Variants in PALM2AKAP2 observed in about 807,000 individuals in gnomAD.
The protein encoded by PALM2AKAP2 is PALM2 and AKAP2 fusion.
Under a neutral mutation model 71.5 loss-of-function variants are expected in PALM2AKAP2, and 37 were observed. The ratio of observed to expected loss-of-function variants is 0.52; its 90% CI spans 0.40 to 0.68. The LOEUF is 0.68. PALM2AKAP2 is among the 30% of genes least tolerant of loss of function. The pLI is 0.00. For missense variants in PALM2AKAP2, 1,224 were observed against 1,191.8 expected (o/e 1.03, Z -0.40); for synonymous variants, 468 against 478.8 (o/e 0.98, Z 0.29).
chr9:110,053,446 T>C (rs910622333), intron 1 of PALM2AKAP2, among the ~76,000 whole-genome samples: 2 of 144,726 alleles, frequency 1.4e-5, no homozygotes, highest in African/African-American at 5.2e-5. Flanking sequence ...GAGAATTGAT[T>C]GAGCCTGGGA....
intron 1 of PALM2AKAP2, among the ~76,000 whole-genome samples, chr9:109,829,724 T>C (rs1828247473): frequency 6.6e-6 from 1 of 151,962 alleles, no homozygotes. Context: ...TATGCAGTTC[T>C]CATTGTCTTC....
At position 109,718,393 on chromosome 9, in the gene PALM2AKAP2, A is replaced by G. The variant is rs1237696248; in HGVS notation, c.6-62095A>G. ...CAGTTACCTTCTTTTTCAATATTTA[A>G]GTTAGGTATTACACAAAAATGTTTG... On this transcript the variant is annotated intron_variant, in intron 1 of 6. Coordinates refer to the PALM2AKAP2 transcript ENST00000374531. 2.6e-5 allele frequency among the ~76,000 whole-genome samples: 4 copies of G among 152,030 alleles called. No individual in the cohort carries two copies. In the East Asian group the frequency reaches 7.7e-4, roughly 29 times the overall value.
chr9:109,979,036 C>T (rs553001252), intron 6 of PALM2AKAP2, among the ~76,000 whole-genome samples: 1 of 151,830 alleles, frequency 6.6e-6, no homozygotes, highest in East Asian at 1.9e-4. Context: ...GTCACCTGGG[C>T]TGGAGTGCAG....
intron 1 of PALM2AKAP2, among the ~76,000 whole-genome samples, chr9:109,830,638 G>C (rs2131534757): frequency 6.6e-6 from 1 of 152,296 alleles, no homozygotes; most frequent in African/African-American, 2.4e-5. Flanking sequence ...GAAAAGTCCT[G>C]GCCAATATTT....
chr9:109,748,375 A>G (rs1286017145), intron 1 of PALM2AKAP2, among the ~76,000 whole-genome samples: 1 of 152,154 alleles, frequency 6.6e-6, no homozygotes, highest in Non-Finnish European at 1.5e-5. Context: ...ATGACGCACT[A>G]CAGGGGTTCC....
rs1410156708 is a variant in PALM2AKAP2 at position 109,772,836 on chromosome 9, G to T, written c.6-7652G>T. Among the ~76,000 whole-genome samples, 3 of 152,148 alleles carry T rather than the reference G, an allele frequency of 2.0e-5. No individual in the cohort carries two copies. The East Asian group carries it at 5.8e-4, about 29-fold the overall frequency. The stretch of plus-strand genomic sequence containing the variant: ...AGTGGCTATAGAATGTTGCAAGGTC[G>T]GGCCGGGTGTAGTGGTTCATGCCTG... On this transcript the variant is annotated intron_variant, in intron 1 of 6. Transcript: ENST00000374531.
chr9:110,156,079 G>A (rs1385801962), intron 2 of PALM2AKAP2, among the ~76,000 whole-genome samples: 6 of 152,182 alleles, frequency 3.9e-5, no homozygotes, highest in Non-Finnish European at 7.3e-5. Context: ...AATGCGTGCT[G>A]TGCCTGTTTG....
intron 2 of PALM2AKAP2, among the ~76,000 whole-genome samples, chr9:109,872,709 G>C (rs1356663418): frequency 6.6e-6 from 1 of 152,172 alleles, no homozygotes. Flanking sequence ...AACCCACTAA[G>C]GTCATTTGCT....
At chr9:109,713,214 C>G (rs1321010851) in intron 1 of PALM2AKAP2, among the ~76,000 whole-genome samples, 2 of 152,164 alleles carry the variant, frequency 1.3e-5, no homozygotes, top group East Asian at 3.9e-4. Flanking sequence ...CTTCCTTCTT[C>G]TTGGGAGCTC....
At chr9:109,722,197 A>T (rs981719370) in intron 1 of PALM2AKAP2, among the ~76,000 whole-genome samples, 1 of 152,218 alleles carries the variant, frequency 6.6e-6, no homozygotes, top group African/African-American at 2.4e-5. Context: ...GCAGCTGTTA[A>T]AAAGGAAATT....
intron 3 of PALM2AKAP2, among the ~76,000 whole-genome samples, chr9:109,894,463 G>C (rs929733513): frequency 1.3e-5 from 2 of 152,202 alleles, no homozygotes; most frequent in Non-Finnish European, 2.9e-5. Context: ...GTATGGTCCA[G>C]GGACTGCTTC....
intron 6 of PALM2AKAP2, among the ~76,000 whole-genome samples, chr9:109,938,759 T>G (rs2132027872): frequency 6.6e-6 from 1 of 152,308 alleles, no homozygotes; most frequent in East Asian, 1.9e-4. Context: ...CCGGGTGCGG[T>G]AGCTCACGCC....
chr9:110,141,414 T>C lies in PALM2AKAP2; in HGVS notation c.2569+2875T>C, dbSNP rs542704678. 3.9e-5 allele frequency among the ~76,000 whole-genome samples: 6 copies of C among 152,348 alleles called. 1 individual carries two copies. In the South Asian group the frequency reaches 1.2e-3, roughly 32 times the overall value. ...CATACATGTCATTCCTTCATGTTTATCTCTAGAACATTTAAAGCAGGCACC... is the reference window on the plus strand; with the variant it reads ...CATACATGTCATTCCTTCATGTTTACCTCTAGAACATTTAAAGCAGGCACC... On this transcript the variant is annotated intron_variant, in intron 2 of 3. Coordinates refer to ENST00000374525, the Ensembl canonical transcript of PALM2AKAP2.
intron 1 of PALM2AKAP2, among the ~76,000 whole-genome samples, chr9:110,079,879 G>C (rs1000889467): frequency 4.6e-5 from 7 of 151,992 alleles, no homozygotes; most frequent in Non-Finnish European, 1.0e-4. Flanking sequence ...AGACCAGCCT[G>C]GCCAAGCTGG....
intron 1 of PALM2AKAP2, among the ~76,000 whole-genome samples, chr9:109,719,276 C>T (rs1269948860): frequency 6.6e-6 from 1 of 152,148 alleles, no homozygotes; most frequent in Non-Finnish European, 1.5e-5. Flanking sequence ...TGAAAGAGGG[C>T]TCTAGTGAGT....
intron 1 of PALM2AKAP2, among the ~76,000 whole-genome samples, chr9:109,782,551 T>G (rs1023422442): frequency 6.6e-6 from 1 of 152,206 alleles, no homozygotes; most frequent in Admixed American, 6.5e-5. Context: ...TTAGGTATTA[T>G]AAATAATCTG....
chr9:109,827,983 C>T (rs1421445689), intron 1 of PALM2AKAP2, among the ~76,000 whole-genome samples: 1 of 152,142 alleles, frequency 6.6e-6, no homozygotes, highest in East Asian at 1.9e-4. Context: ...GAAGTAGAGC[C>T]AGCTTTTATT....
chr9:109,763,898 A>C (rs1422531474), intron 1 of PALM2AKAP2, among the ~76,000 whole-genome samples: 2 of 152,022 alleles, frequency 1.3e-5, no homozygotes, highest in African/African-American at 2.4e-5. Flanking sequence ...TCTCTTATGA[A>C]GACATTGGTT....
At chr9:109,791,595 G>T (rs1401777516) in intron 1 of PALM2AKAP2, among the ~76,000 whole-genome samples, 1 of 152,212 alleles carries the variant, frequency 6.6e-6, no homozygotes, top group Non-Finnish European at 1.5e-5. Context: ...GGAGGGAAGG[G>T]CTCCCAGTTC....
Sources: allele counts gnomAD v4.1 joint callset (sites outside exome capture counted in the v4.1 genomes callset), GRCh38; gene constraint gnomAD v4.1.1; transcripts MANE v1.5; gene names NCBI Gene and HGNC (gene_info 2026-07-23, HGNC 2026-07-21).